Variants in SLC24A2 observed in about 807,000 individuals in gnomAD.
The protein encoded by SLC24A2 is solute carrier family 24 member 2.
SLC24A2 carries 36 observed loss-of-function variants against 62.0 expected under a neutral mutation model. That is an observed-to-expected ratio of 0.58 (90% CI 0.44 to 0.77). The LOEUF (loss-of-function observed/expected upper bound fraction) is 0.77, where lower values mean the gene tolerates loss of function less well. Among genes scored for constraint, SLC24A2 ranks in the 30% least tolerant of loss-of-function variants. SLC24A2 has a pLI of 0.00. For synonymous variants in SLC24A2, 358 were observed against 294.0 expected (o/e 1.22, Z -2.23); for missense variants, 846 against 817.9 (o/e 1.03, Z -0.42).
the SLC24A2 span, among the ~76,000 whole-genome samples, chr9:20,015,653 C>G: frequency 6.6e-6 from 1 of 152,230 alleles, no homozygotes; most frequent in Non-Finnish European, 1.5e-5. Context: ...GGCCTGACTT[C>G]TAACTCCAGT....
At chr9:19,906,734 T>G in the SLC24A2 span, among the ~76,000 whole-genome samples, 1 of 151,936 alleles carries the variant, frequency 6.6e-6, no homozygotes, top group East Asian at 1.9e-4. Context: ...CTAGAAGAAA[T>G]GGATAAATCC....
Position 19,562,941 on chromosome 9 carries a change from A to T in SLC24A2, c.1347+10410T>A, listed in dbSNP as rs115203208. Reference sequence around the variant, plus strand: ...GAAACACAGCAAGAACTATTTCTACAAAAGATTTTAAAAAATTAACTGGGC... The same window carrying T: ...GAAACACAGCAAGAACTATTTCTACTAAAGATTTTAAAAAATTAACTGGGC... On this transcript the variant is annotated intron_variant, in intron 7 of 10. Coordinates refer to ENST00000341998, the MANE Select transcript of SLC24A2 (RefSeq NM_020344.4). Among the ~76,000 whole-genome samples the T allele has an allele frequency of 4.6e-3, 696 of 152,208 alleles. 10 individuals carry two copies. The highest frequency in any genetic ancestry group is 0.016 in the African/African-American group (668 of 41,534).
chr9:20,300,199 A>G, the SLC24A2 span, among the ~76,000 whole-genome samples: 1 of 152,196 alleles, frequency 6.6e-6, no homozygotes, highest in East Asian at 1.9e-4. Flanking sequence ...CATGCCATGT[A>G]TGGTAATTAC....
chr9:19,532,028 T>C (rs1458562015), intron 8 of SLC24A2, among the ~76,000 whole-genome samples: 5 of 152,150 alleles, frequency 3.3e-5, no homozygotes, highest in African/African-American at 1.2e-4. Flanking sequence ...AAATCCATAA[T>C]ATGAAATGGT....
chr9:19,547,036 C>T (rs556614788), intron 8 of SLC24A2, among the ~76,000 whole-genome samples: 46 of 152,264 alleles, frequency 3.0e-4, no homozygotes, highest in African/African-American at 7.5e-4. Context: ...GTGGCGATCT[C>T]GCTGGGAGCT....
chr9:19,709,503 C>G (rs547801449), intron 2 of SLC24A2, among the ~76,000 whole-genome samples: 2 of 151,980 alleles, frequency 1.3e-5, no homozygotes, highest in Non-Finnish European at 2.9e-5. Flanking sequence ...TTGGAACCAA[C>G]CCAAATGTCC....
the SLC24A2 span, among the ~76,000 whole-genome samples, chr9:20,154,125 A>G: frequency 3.3e-5 from 5 of 151,902 alleles, no homozygotes; most frequent in Non-Finnish European, 7.4e-5. Flanking sequence ...AGTCTGATGT[A>G]TATGATTACT....
the SLC24A2 span, among the ~76,000 whole-genome samples, chr9:19,829,808 TATACACAC>T: frequency 0.032 from 846 of 26,704 alleles, 2 homozygotes; most frequent in Middle Eastern, 0.093. Flanking sequence ...TATATATATA[TATACACAC>T]ACACACACAC....
intron 2 of SLC24A2, among the ~76,000 whole-genome samples, chr9:19,686,695 C>T (rs951164315): frequency 1.3e-5 from 2 of 152,138 alleles, no homozygotes; most frequent in South Asian, 2.1e-4. Flanking sequence ...TTTGCTTCCT[C>T]TTCCACCATG....
At chr9:19,898,621 A>G in the SLC24A2 span, among the ~76,000 whole-genome samples, 132 of 151,918 alleles carry the variant, frequency 8.7e-4, no homozygotes, top group African/African-American at 2.8e-3. Context: ...GGGCACCTGT[A>G]GTCCCAGCTA....
At chr9:19,787,348 T>C (rs1203469461) in intron 1 of SLC24A2, among the ~76,000 whole-genome samples, 2 of 152,182 alleles carry the variant, frequency 1.3e-5, no homozygotes, top group South Asian at 2.1e-4. Flanking sequence ...ATTTTACAGG[T>C]GAAAATCTAT....
At chr9:19,661,567 A>G (rs1391172247) in intron 2 of SLC24A2, among the ~76,000 whole-genome samples, 4 of 152,210 alleles carry the variant, frequency 2.6e-5, no homozygotes, top group Non-Finnish European at 5.9e-5. Flanking sequence ...CTTGCTGCAG[A>G]GTATCAATGT....
chr9:20,146,138 C>T, the SLC24A2 span, among the ~76,000 whole-genome samples: 1 of 152,056 alleles, frequency 6.6e-6, no homozygotes, highest in African/African-American at 2.4e-5. Flanking sequence ...GTTACTATTT[C>T]TAAAATGTAG....
chr9:19,838,789 A>G, the SLC24A2 span, among the ~76,000 whole-genome samples: 1 of 151,046 alleles, frequency 6.6e-6, no homozygotes, highest in African/African-American at 2.4e-5. Context: ...AAAAAACCCT[A>G]GAAGAAAACC....
the SLC24A2 span, among the ~76,000 whole-genome samples, chr9:20,269,263 G>A: frequency 2.6e-5 from 4 of 152,214 alleles, no homozygotes; most frequent in East Asian, 1.9e-4. Flanking sequence ...GTACTCTGGA[G>A]GGCAGGTGTT....
chr9:19,722,451 C>T (rs988500376), intron 2 of SLC24A2, among the ~76,000 whole-genome samples: 1 of 152,044 alleles, frequency 6.6e-6, no homozygotes, highest in Admixed American at 6.6e-5. Context: ...GGCACTATTA[C>T]ATCTTTGACA....
intron 9 of SLC24A2, among the ~76,000 whole-genome samples, chr9:19,527,148 CTTAT>C (rs994193051): frequency 2.0e-5 from 3 of 152,048 alleles, no homozygotes; most frequent in East Asian, 1.9e-4. Context: ...ATTTCTATAT[CTTAT>C]TTATGTTGCC....
In SLC24A2 at chr9:19,515,807, G is replaced by A. The variant is rs541288145; in HGVS notation, c.*346C>T. The A allele has an allele frequency of 6.9e-5, 23 of 332,860 alleles. No homozygotes were observed. The highest frequency in any genetic ancestry group is 3.2e-4 in the South Asian group (12 of 37,990). 20.6% of individuals were successfully genotyped at this position (332,860 alleles called of 1,614,324 possible). A position where few individuals can be genotyped will look rare whatever the true frequency, so the allele number is the denominator to read the frequency against. ...AGGCAGGATTTGTGTGTTCATGTGCGTATATTTATAATATGTGTATTTATA... is the reference window on the plus strand; with the variant it reads ...AGGCAGGATTTGTGTGTTCATGTGCATATATTTATAATATGTGTATTTATA... On this transcript the variant is annotated 3_prime_UTR_variant, in exon 11 of 11. Coordinates refer to ENST00000341998, the MANE Select transcript of SLC24A2 (RefSeq NM_020344.4).
At chr9:19,890,638 A>G in the SLC24A2 span, among the ~76,000 whole-genome samples, 2 of 152,008 alleles carry the variant, frequency 1.3e-5, no homozygotes, top group African/African-American at 4.8e-5. Flanking sequence ...TGATACCTAC[A>G]TTCTTGTGTG....
Sources: allele counts gnomAD v4.1 joint callset (sites outside exome capture counted in the v4.1 genomes callset), GRCh38; gene constraint gnomAD v4.1.1; transcripts MANE v1.5; gene names NCBI Gene and HGNC (gene_info 2026-07-23, HGNC 2026-07-21).